Variants in AOPEP observed in about 807,000 individuals in gnomAD.
AOPEP encodes aminopeptidase O (putative), also known as aminopeptidase O.
Under a neutral mutation model 98.1 loss-of-function variants are expected in AOPEP, and 77 were observed. The observed-to-expected ratio is 0.78, with a 90% CI of 0.65 to 0.95. The LOEUF is 0.95. Among genes scored for constraint, AOPEP ranks in the 40% least tolerant of loss-of-function variants. The probability of loss-of-function intolerance (pLI) is 0.00; values close to 1 mark genes in which losing one functional copy is unlikely to be tolerated. For missense variants in AOPEP, 1,024 were observed against 1,024.7 expected (o/e 1.00, Z 0.01); for synonymous variants, 346 against 365.3 (o/e 0.95, Z 0.60).
intron 2 of AOPEP, among the ~76,000 whole-genome samples, chr9:94,768,393 G>A (rs1840107691): frequency 6.6e-6 from 1 of 152,150 alleles, no homozygotes; most frequent in Non-Finnish European, 1.5e-5. Context: ...AGACAAATGC[G>A]TATAGCAGTC....
chr9:95,143,593 T>A, the AOPEP span, among the ~76,000 whole-genome samples: 1 of 152,224 alleles, frequency 6.6e-6, no homozygotes, highest in African/African-American at 2.4e-5. Flanking sequence ...TCTTATTATA[T>A]CACGAGATCA....
intron 12 of AOPEP, 42 bp downstream of exon 12, chr9:95,005,262 G>C (rs1195924697): frequency 5.5e-5 from 55 of 1,003,980 alleles, no homozygotes; most frequent in Middle Eastern, 4.2e-4. Flanking sequence ...GGTGGCGCCG[G>C]CGCGAGACCG....
the AOPEP span, among the ~76,000 whole-genome samples, chr9:95,136,081 A>T: frequency 6.6e-6 from 1 of 152,204 alleles, no homozygotes; most frequent in Non-Finnish European, 1.5e-5. Flanking sequence ...GGTTGCTTGA[A>T]AGTTGAAAAT....
rs561724699 is a variant in AOPEP at position 94,797,392 on chromosome 9, C to T, written c.1119-3365C>T. On this transcript the variant is annotated intron_variant, in intron 4 of 16. Transcript: ENST00000375315. The stretch of plus-strand genomic sequence containing the variant: ...GTTGCAGTGAGCCGAGATTGCACCA[C>T]TGCACTTCAGCCTGGCAATAGAGCA... Among the ~76,000 whole-genome samples, 6 of 150,170 alleles carry T rather than the reference C, an allele frequency of 4.0e-5. No individual in the cohort carries two copies. The South Asian group carries it at 1.3e-3, about 32-fold the overall frequency.
intron 5 of AOPEP, among the ~76,000 whole-genome samples, chr9:94,810,311 G>GTT (rs377395781): frequency 4.0e-5 from 6 of 149,450 alleles, no homozygotes; most frequent in African/African-American, 1.2e-4. Context: ...TTTAATCAGG[G>GTT]TTTTTTTGTT....
At chr9:94,962,890 C>G (rs1048008070) in intron 9 of AOPEP, among the ~76,000 whole-genome samples, 2 of 152,042 alleles carry the variant, frequency 1.3e-5, no homozygotes, top group African/African-American at 4.8e-5. Context: ...ACTACAGGCA[C>G]CCGCCACCAC....
chr9:95,075,000 GC>G (rs2068897210), intron 14 of AOPEP, among the ~76,000 whole-genome samples: 1 of 152,212 alleles, frequency 6.6e-6, no homozygotes, highest in Non-Finnish European at 1.5e-5. Flanking sequence ...GCCACGGGCA[GC>G]TCTGTTCTCA....
intron 5 of AOPEP, among the ~76,000 whole-genome samples, chr9:94,863,342 G>T (rs1356369545): frequency 6.9e-6 from 1 of 145,038 alleles, no homozygotes; most frequent in Non-Finnish European, 1.5e-5. Context: ...GTGCAGTGGC[G>T]TGGTCTCGGC....
At chr9:94,747,549 A>G (rs1834804427) in intron 1 of AOPEP, among the ~76,000 whole-genome samples, 1 of 152,236 alleles carries the variant, frequency 6.6e-6, no homozygotes, top group African/African-American at 2.4e-5. Context: ...GCATGAACAA[A>G]GGGGAAAAGC....
At chr9:95,119,990 G>GAAGT in the AOPEP span, among the ~76,000 whole-genome samples, 2 of 113,506 alleles carry the variant, frequency 1.8e-5, no homozygotes, top group African/African-American at 6.9e-5. Flanking sequence ...TGGGATTACA[G>GAAGT]GAGTGAGCTA....
At chr9:94,864,984 T>C (rs1021268270) in intron 5 of AOPEP, among the ~76,000 whole-genome samples, 1 of 152,204 alleles carries the variant, frequency 6.6e-6, no homozygotes, top group Non-Finnish European at 1.5e-5. Flanking sequence ...GGAGCTATTT[T>C]ATACAATCTT....
At chr9:94,815,280 T>TA (rs1851455685) in intron 5 of AOPEP, among the ~76,000 whole-genome samples, 2 of 152,142 alleles carry the variant, frequency 1.3e-5, no homozygotes, top group African/African-American at 4.8e-5. Flanking sequence ...TGAGTTACCA[T>TA]ATAGTTTCCT....
chr9:94,996,649 G>A (rs980970346), intron 11 of AOPEP, among the ~76,000 whole-genome samples: 4 of 152,106 alleles, frequency 2.6e-5, no homozygotes, highest in Non-Finnish European at 4.4e-5. Flanking sequence ...AGGAAATAAC[G>A]GGAAAGTACC....
rs2134341948 is a variant in AOPEP at position 95,086,985 on chromosome 9, A to G, written c.*308A>G. The G allele has an allele frequency of 1.0e-6, 1 of 981,474 alleles. No individual in the cohort carries two copies. Among genetic ancestry groups the G allele is most frequent in the South Asian group, 4.7e-5 (1 of 21,238 alleles). The allele number at this position is 981,474 out of a possible 1,614,324, so 60.8% of individuals were successfully genotyped here. A position where few individuals can be genotyped will look rare whatever the true frequency, so the allele number is the denominator to read the frequency against. On this transcript the variant is annotated 3_prime_UTR_variant, in exon 17 of 17. Coordinates refer to ENST00000375315, the MANE Select transcript of AOPEP (RefSeq NM_001193329.3). ...ATTAAATATATCCAAGAGACATTGG[A>G]AAACCTGCTGAACATTTTACATTGG... is the stretch of plus-strand genomic sequence containing the variant.
intron 11 of AOPEP, among the ~76,000 whole-genome samples, chr9:94,987,989 C>G (rs181123661): frequency 1.3e-5 from 2 of 152,112 alleles, no homozygotes; most frequent in Admixed American, 6.5e-5. Flanking sequence ...GACAGCTCCC[C>G]GGGTAAAAAG....
intron 2 of AOPEP, 92 bp downstream of exon 2, chr9:94,760,672 C>G: frequency 9.7e-7 from 1 of 1,030,714 alleles, no homozygotes; most frequent in Non-Finnish European, 1.4e-6. Flanking sequence ...TGCAGAGATG[C>G]TCCTGTGTCT....
chr9:94,829,753 C>T (rs1043506027), intron 5 of AOPEP, among the ~76,000 whole-genome samples: 2 of 152,172 alleles, frequency 1.3e-5, no homozygotes, highest in Non-Finnish European at 2.9e-5. Flanking sequence ...CCCATTACAC[C>T]TATATTTCCT....
chr9:94,882,790 C>CA (rs1471457022), intron 5 of AOPEP, among the ~76,000 whole-genome samples: 2 of 151,948 alleles, frequency 1.3e-5, no homozygotes. Context: ...CAAAGCAAAA[C>CA]AAAAAACAGA....
intron 5 of AOPEP, among the ~76,000 whole-genome samples, chr9:94,846,043 T>A (rs1202474213): frequency 6.6e-6 from 1 of 150,888 alleles, no homozygotes; most frequent in Non-Finnish European, 1.5e-5. Flanking sequence ...TGCAGTGAGC[T>A]GAGATGGCGC....
Sources: gnomAD v4.1 joint callset for allele counts (sites outside exome capture counted in the v4.1 genomes callset) on GRCh38, gnomAD v4.1.1 for gene constraint, MANE v1.5 for transcripts, NCBI Gene and HGNC (gene_info 2026-07-23, HGNC 2026-07-21) for gene names.